B4GALT5: variants seen among roughly 807,000 people sequenced by gnomAD.
B4GALT5 encodes the protein beta-1,4-galactosyltransferase 5.
In B4GALT5, 11 loss-of-function variants were observed where a neutral mutation model predicts 45.0. That is an observed-to-expected ratio of 0.24 (90% CI 0.15 to 0.40). The LOEUF (loss-of-function observed/expected upper bound fraction) is 0.40. Ranked by LOEUF, B4GALT5 falls within the 10% of genes least tolerant of loss-of-function variation. The probability of loss-of-function intolerance (pLI) is 1.00; values close to 1 mark genes in which losing one functional copy is unlikely to be tolerated. For missense variants in B4GALT5, 337 were observed against 500.2 expected (o/e 0.67, Z 3.11); for synonymous variants, 185 against 182.9 (o/e 1.01, Z -0.09).
intron 2 of B4GALT5, among the ~76,000 whole-genome samples, chr20:49,651,341 C>A (rs1163506703): frequency 3.3e-5 from 5 of 151,852 alleles, no homozygotes; most frequent in East Asian, 1.9e-4. Context: ...GTAATCCCAG[C>A]ACTTTGAGAG....
intron 1 of B4GALT5, among the ~76,000 whole-genome samples, chr20:49,704,507 C>T (rs1189959035): frequency 6.6e-6 from 1 of 151,838 alleles, no homozygotes; most frequent in African/African-American, 2.4e-5. Context: ...ATCACGAGGT[C>T]AGGAGATCGA....
intron 2 of B4GALT5, among the ~76,000 whole-genome samples, chr20:49,650,896 G>A (rs1044709038): frequency 6.6e-6 from 1 of 152,080 alleles, no homozygotes; most frequent in Non-Finnish European, 1.5e-5. Flanking sequence ...AAACAAGCCT[G>A]TTGAATTTCT....
intron 2 of B4GALT5, among the ~76,000 whole-genome samples, chr20:49,653,324 C>T (rs942026254): frequency 1.3e-5 from 2 of 152,160 alleles, no homozygotes; most frequent in African/African-American, 2.4e-5. Flanking sequence ...TGTACTTACT[C>T]GCCAAAGATG....
At chr20:49,693,460 C>T (rs925933433) in intron 1 of B4GALT5, among the ~76,000 whole-genome samples, 1 of 152,186 alleles carries the variant, frequency 6.6e-6, no homozygotes, top group Non-Finnish European at 1.5e-5. Flanking sequence ...TCATTAGGCT[C>T]CACAGCTCAT....
chr20:49,704,638 G>A (rs376193594), intron 1 of B4GALT5, among the ~76,000 whole-genome samples: 1 of 150,104 alleles, frequency 6.7e-6, no homozygotes, highest in Admixed American at 6.6e-5. Flanking sequence ...AGAATGGCGT[G>A]AACCCGGGAG....
At chr20:49,642,678 G>T in intron 4 of B4GALT5, 94 bp from the exon 5 acceptor site, 1 of 785,632 alleles carries the variant, frequency 1.3e-6, no homozygotes, top group Non-Finnish European at 2.1e-6. Context: ...CAACCCATGG[G>T]AGTTCTGGGA....
At chr20:49,673,920 G>C (rs4810972) in intron 1 of B4GALT5, among the ~76,000 whole-genome samples, 82 of 151,500 alleles carry the variant, frequency 5.4e-4, no homozygotes, top group African/African-American at 1.9e-3. Flanking sequence ...CAACTTTTCT[G>C]TAAGTTTGAA....
chr20:49,650,449 T>C (rs1159062175), intron 2 of B4GALT5, among the ~76,000 whole-genome samples: 2 of 118,214 alleles, frequency 1.7e-5, no homozygotes, highest in Non-Finnish European at 3.4e-5. Context: ...TGAAACCCCA[T>C]CTCTGCTAAA....
rs201421615 is a variant in B4GALT5, at chr20:49,647,114, T to C, written c.251-36A>G. 2.6e-5 allele frequency: 34 copies of C among 1,324,784 alleles called. No individual in the cohort carries two copies. The African/African-American group carries it at 4.8e-4, about 19-fold the overall frequency. 82.1% of individuals were successfully genotyped at this position (1,324,784 alleles called of 1,614,324 possible). On this transcript the variant is annotated intron_variant, in intron 2 of 8. Coordinates refer to ENST00000371711, the MANE Select transcript of B4GALT5 (RefSeq NM_004776.4). Reference sequence around the variant, plus strand: ...AAAGGAAAAAAGTCGATCAGACTGGTATGTGTGATCAACCGTGCAATTATC... The same window carrying C: ...AAAGGAAAAAAGTCGATCAGACTGGCATGTGTGATCAACCGTGCAATTATC...
chr20:49,681,948 T>A (rs1333875003), intron 1 of B4GALT5, among the ~76,000 whole-genome samples: 1 of 152,062 alleles, frequency 6.6e-6, no homozygotes, highest in African/African-American at 2.4e-5. Flanking sequence ...ATACAAAAAT[T>A]AGTCCGGCAT....
chr20:49,713,476 GGGCCGCCTCCC>G, intron 1 of B4GALT5, 89 bp downstream of exon 1: 2 of 1,252,610 alleles, frequency 1.6e-6, no homozygotes, highest in Non-Finnish European at 2.2e-6. Context: ...ACCAGGCTCA[GGGCCGCCTCCC>G]GGCCGGGGCC....
chr20:49,652,630 C>A (rs1043316050), intron 2 of B4GALT5, among the ~76,000 whole-genome samples: 4 of 151,892 alleles, frequency 2.6e-5, no homozygotes, highest in African/African-American at 9.7e-5. Context: ...TCTCACAAAC[C>A]AATGGCTTTC....
At chr20:49,712,013 A>G (rs2085914641) in intron 1 of B4GALT5, among the ~76,000 whole-genome samples, 1 of 152,182 alleles carries the variant, frequency 6.6e-6, no homozygotes, top group African/African-American at 2.4e-5. Context: ...TTTTTCTAGC[A>G]GAATTTACTC....
chr20:49,710,482 C>T (rs2085904057), intron 1 of B4GALT5, among the ~76,000 whole-genome samples: 1 of 149,056 alleles, frequency 6.7e-6, no homozygotes, highest in South Asian at 2.1e-4. Flanking sequence ...TGCAATGGCG[C>T]AATCTCGGCT....
intron 1 of B4GALT5, among the ~76,000 whole-genome samples, chr20:49,712,864 A>C (rs2085922426): frequency 8.0e-6 from 1 of 125,440 alleles, no homozygotes; most frequent in Non-Finnish European, 1.7e-5. Context: ...GGGAAGAGGC[A>C]TGGGACGCTC....
chr20:49,668,562 TAC>T (rs2085701897), intron 1 of B4GALT5, among the ~76,000 whole-genome samples: 1 of 116,372 alleles, frequency 8.6e-6, no homozygotes, highest in Non-Finnish European at 1.6e-5. Context: ...ACTGAACACG[TAC>T]ACTTATCAAA....
chr20:49,682,295 T>C (rs2085767287), intron 1 of B4GALT5, among the ~76,000 whole-genome samples: 1 of 152,234 alleles, frequency 6.6e-6, no homozygotes, highest in African/African-American at 2.4e-5. Context: ...TGCTTCGGCA[T>C]TGCAGGCAGA....
chr20:49,672,313 AG>A (rs1270821416), intron 1 of B4GALT5, among the ~76,000 whole-genome samples: 1 of 152,238 alleles, frequency 6.6e-6, no homozygotes, highest in Non-Finnish European at 1.5e-5. Flanking sequence ...TGTCAAACAT[AG>A]GAAATCAGAG....
In B4GALT5 at chr20:49,704,729, C is replaced by CA. The variant is rs1272824533; in HGVS notation, c.115+8846dup. ...GCAAGACTCTGTCTCAAAAAAAAAA[C>CA]AAAAAAAAACAAAAAAAAACCACAA... On this transcript the variant is annotated intron_variant, in intron 1 of 8. Coordinates refer to ENST00000371711, the MANE Select transcript of B4GALT5 (RefSeq NM_004776.4). Among the ~76,000 whole-genome samples, 457 of 144,458 alleles carry CA rather than the reference C, an allele frequency of 3.2e-3. 3 individuals carry two copies. The highest frequency in any genetic ancestry group is 1.0e-2 in the African/African-American group (380 of 38,104). 94.8% of individuals were successfully genotyped at this position (144,458 alleles called of 152,430 possible). A position where few individuals can be genotyped will look rare whatever the true frequency, so the allele number is the denominator to read the frequency against.
Sources: gnomAD v4.1 joint callset for allele counts (sites outside exome capture counted in the v4.1 genomes callset) on GRCh38, gnomAD v4.1.1 for gene constraint, MANE v1.5 for transcripts, NCBI Gene and HGNC (gene_info 2026-07-23, HGNC 2026-07-21) for gene names.